The following ERG variants were observed in gnomAD, a reference collection of about 807,000 sequenced individuals.
The protein encoded by ERG is ETS transcription factor ERG.
In ERG, 9 loss-of-function variants were observed where a neutral mutation model predicts 55.3. The ratio of observed to expected loss-of-function variants is 0.16; its 90% CI spans 0.10 to 0.28. ERG has a LOEUF of 0.28. Among genes scored for constraint, ERG ranks in the 10% least tolerant of loss-of-function variants. ERG has a pLI of 1.00. For synonymous variants in ERG, 223 were observed against 237.3 expected (o/e 0.94, Z 0.55); for missense variants, 434 against 631.6 (o/e 0.69, Z 3.35).
intron 2 of ERG, among the ~76,000 whole-genome samples, chr21:38,528,927 A>G (rs528883043): frequency 1.3e-5 from 2 of 152,326 alleles, no homozygotes; most frequent in South Asian, 4.1e-4. Flanking sequence ...CATTTCCAAT[A>G]TAAAATTCAC....
Position 38,410,290 on chromosome 21 carries a change from T to C in ERG, c.389-6581A>G, listed in dbSNP as rs184947575. 9.6e-4 allele frequency among the ~76,000 whole-genome samples: 146 copies of C among 152,354 alleles called. No homozygotes were observed. In the Middle Eastern group the frequency reaches 0.02, roughly 21 times the overall value. ...CTTCTGTCAGATGAATCATAAGCCA[T>C]TGAAGATAAGTTGTTCATTTTCAGC... On this transcript the variant is annotated intron_variant, in intron 3 of 9. Transcript: ENST00000288319.
intron 2 of ERG, among the ~76,000 whole-genome samples, chr21:38,525,936 G>T (rs1017763422): frequency 2.0e-5 from 3 of 152,154 alleles, no homozygotes; most frequent in Non-Finnish European, 4.4e-5. Context: ...ATTAACAGTG[G>T]TCCATTAAGA....
At chr21:38,473,159 CAAAA>C (rs33994175) in intron 1 of ERG, among the ~76,000 whole-genome samples, 19 of 105,996 alleles carry the variant, frequency 1.8e-4, no homozygotes, top group African/African-American at 2.4e-4. Context: ...AGGATGCGCT[CAAAA>C]AAAAAAAAAA....
chr21:38,467,314 G>A (rs1480830099), intron 1 of ERG, among the ~76,000 whole-genome samples: 3 of 134,438 alleles, frequency 2.2e-5, no homozygotes, highest in Non-Finnish European at 5.3e-5. Context: ...TTCTTGCACT[G>A]TTGCCTCAAA....
chr21:38,544,473 G>C (rs2146803251), intron 2 of ERG, among the ~76,000 whole-genome samples: 1 of 152,292 alleles, frequency 6.6e-6, no homozygotes. Flanking sequence ...GAGCTGGGGA[G>C]TGACTCTTTT....
chr21:38,391,203 T>A (rs773116158), intron 8 of ERG, among the ~76,000 whole-genome samples, 161 bp from the exon 9 acceptor site: 6 of 152,180 alleles, frequency 3.9e-5, no homozygotes, highest in African/African-American at 7.2e-5. Context: ...TGAGAGAAGA[T>A]GTCACACGGC....
intron 1 of ERG, among the ~76,000 whole-genome samples, chr21:38,581,979 G>A (rs1338388159): frequency 1.3e-5 from 2 of 149,914 alleles, no homozygotes; most frequent in Admixed American, 6.7e-5. Context: ...GGAGGAGGAG[G>A]TTGCAGTGAG....
chr21:38,441,247 A>G (rs531457484), intron 2 of ERG, among the ~76,000 whole-genome samples: 37 of 152,090 alleles, frequency 2.4e-4, no homozygotes, highest in African/African-American at 8.4e-4. Flanking sequence ...GCCAGGCCGT[A>G]GCACCCAGTG....
At chr21:38,420,725 A>G (rs1339981097) in intron 3 of ERG, among the ~76,000 whole-genome samples, 1 of 152,162 alleles carries the variant, frequency 6.6e-6, no homozygotes, top group Non-Finnish European at 1.5e-5. Context: ...ACTGAAAAGG[A>G]TATTTATGAC....
chr21:38,415,079 A>G (rs1601360395), intron 3 of ERG, among the ~76,000 whole-genome samples: 1 of 152,244 alleles, frequency 6.6e-6, no homozygotes, highest in Non-Finnish European at 1.5e-5. Context: ...CTCTCATCCC[A>G]TTCCTGTGTT....
chr21:38,423,084 A>AGTGTGT (rs71184624), intron 3 of ERG, among the ~76,000 whole-genome samples: 14,016 of 144,314 alleles, frequency 0.097, 680 homozygotes, highest in South Asian at 0.13. Flanking sequence ...CTCCATACGT[A>AGTGTGT]GTGTGTGTGT....
At chr21:38,519,179 T>TA (rs1057178418) in intron 2 of ERG, among the ~76,000 whole-genome samples, 9 of 152,180 alleles carry the variant, frequency 5.9e-5, no homozygotes, top group Non-Finnish European at 1.0e-4. Flanking sequence ...AGCTGGAGTT[T>TA]AAAAAACATC....
At chr21:38,583,793 G>A (rs1404336609) in intron 1 of ERG, among the ~76,000 whole-genome samples, 1 of 152,180 alleles carries the variant, frequency 6.6e-6, no homozygotes, top group Non-Finnish European at 1.5e-5. Context: ...GAAGACACAG[G>A]GAAAAGACAA....
At chr21:38,634,986 G>A (rs551497367) in intron 1 of ERG, among the ~76,000 whole-genome samples, 15 of 152,236 alleles carry the variant, frequency 9.9e-5, no homozygotes, top group South Asian at 4.1e-4. Context: ...GAAATGAGCC[G>A]CCAAACCACG....
At chr21:38,474,493 T>TG (rs1414824064) in intron 1 of ERG, among the ~76,000 whole-genome samples, 1 of 152,120 alleles carries the variant, frequency 6.6e-6, no homozygotes, top group East Asian at 1.9e-4. Flanking sequence ...CCAGCAGAGG[T>TG]GCTGCACCAA....
chr21:38,382,787 G>T lies in ERG; in HGVS notation c.*616C>A. On this transcript the variant is annotated 3_prime_UTR_variant, in exon 10 of 10. Coordinates refer to ENST00000288319, the MANE Select transcript of ERG (RefSeq NM_182918.4). ...ATAGTCCCGGTAATACTGTAAAGGAGTTGGAAACTTTGGGTCATCTTCACA... is the reference window on the plus strand; with the variant it reads ...ATAGTCCCGGTAATACTGTAAAGGATTTGGAAACTTTGGGTCATCTTCACA... The T allele has an allele frequency of 3.8e-6, 4 of 1,066,168 alleles. No homozygotes were observed. The highest frequency in any genetic ancestry group is 4.5e-6 in the Non-Finnish European group (4 of 879,584). 66.0% of individuals were successfully genotyped at this position (1,066,168 alleles called of 1,614,324 possible).
At chr21:38,480,158 A>C (rs1372631058) in intron 1 of ERG, among the ~76,000 whole-genome samples, 2 of 152,188 alleles carry the variant, frequency 1.3e-5, no homozygotes, top group Non-Finnish European at 2.9e-5. Flanking sequence ...TCCTGGGTGG[A>C]GCAGGGCAGG....
intron 2 of ERG, among the ~76,000 whole-genome samples, chr21:38,552,589 A>C (rs1197276344): frequency 6.6e-6 from 1 of 152,200 alleles, no homozygotes; most frequent in Admixed American, 6.5e-5. Context: ...AAACCACATG[A>C]TCATCTCAAT....
chr21:38,388,993 T>C (rs942727170), intron 9 of ERG, among the ~76,000 whole-genome samples: 4 of 152,224 alleles, frequency 2.6e-5, no homozygotes, highest in African/African-American at 7.2e-5. Context: ...ATTTGGCCAA[T>C]GTGTGAGTGC....
Sources: allele counts gnomAD v4.1 joint callset (sites outside exome capture counted in the v4.1 genomes callset), GRCh38; gene constraint gnomAD v4.1.1; transcripts MANE v1.5; gene names NCBI Gene and HGNC (gene_info 2026-07-23, HGNC 2026-07-21).